Variants in CDK14 observed in about 807,000 individuals in gnomAD.
CDK14 encodes the protein cyclin-dependent kinase 14.
CDK14 carries 34 observed loss-of-function variants against 60.7 expected under a neutral mutation model. The ratio of observed to expected loss-of-function variants is 0.56; its 90% confidence interval spans 0.43 to 0.75. The LOEUF is 0.75. Among genes scored for constraint, CDK14 ranks in the 30% least tolerant of loss-of-function variants. The pLI is 0.00. For synonymous variants in CDK14, 197 were observed against 203.7 expected, an observed-to-expected ratio of 0.97 and a Z score of 0.28; for missense variants, 482 against 564.1, an observed-to-expected ratio of 0.85 and a Z score of 1.47.
intron 2 of CDK14, chr7:90,632,635 C>CTT (rs1800029172): frequency 6.6e-6 from 1 of 152,560 alleles, no homozygotes; most frequent in African/African-American, 2.4e-5. Flanking sequence ...GACACCGAAC[C>CTT]TTTTAGTGCC....
At chr7:91,074,328 G>A (rs1188861825) in intron 11 of CDK14, among the ~76,000 whole-genome samples, 1 of 152,174 alleles carries the variant, frequency 6.6e-6, no homozygotes, top group African/African-American at 2.4e-5. Context: ...AATCAAATTA[G>A]ATCTCAGGAT....
chr7:90,828,907 G>A (rs913273054), intron 5 of CDK14, among the ~76,000 whole-genome samples: 1 of 152,140 alleles, frequency 6.6e-6, no homozygotes, highest in Non-Finnish European at 1.5e-5. Flanking sequence ...CTGCTGTGAA[G>A]AACTACTGGA....
At chr7:90,650,237 A>T (rs922047644) in intron 2 of CDK14, among the ~76,000 whole-genome samples, 1 of 152,044 alleles carries the variant, frequency 6.6e-6, no homozygotes, top group Admixed American at 6.6e-5. Context: ...TCATGTGTCT[A>T]TTGGCTGCAT....
intron 9 of CDK14, among the ~76,000 whole-genome samples, chr7:90,974,021 G>T (rs192210063): frequency 6.6e-6 from 1 of 152,060 alleles, no homozygotes. Context: ...TCTCAACCTC[G>T]TAAGACAGAC....
intron 9 of CDK14, among the ~76,000 whole-genome samples, chr7:90,980,308 C>T (rs114596870): frequency 6.6e-6 from 1 of 152,010 alleles, no homozygotes; most frequent in East Asian, 1.9e-4. Context: ...AAAATTTAGA[C>T]TAAGTGGGTG....
chr7:90,708,399 G>A, intron 2 of CDK14, among the ~76,000 whole-genome samples: 1 of 152,108 alleles, frequency 6.6e-6, no homozygotes, highest in Non-Finnish European at 1.5e-5. Context: ...AGTCTATTCT[G>A]CAAAAATGAT....
intron 4 of CDK14, among the ~76,000 whole-genome samples, chr7:90,781,126 T>A (rs1398970812): frequency 6.6e-6 from 1 of 152,048 alleles, no homozygotes; most frequent in Non-Finnish European, 1.5e-5. Flanking sequence ...CTCATTGTGG[T>A]TTTGATTTGT....
chr7:90,606,865 G>A (rs1000716442), intron 2 of CDK14, among the ~76,000 whole-genome samples: 21 of 152,290 alleles, frequency 1.4e-4, no homozygotes, highest in Middle Eastern at 3.4e-3. Flanking sequence ...TGGGCAGGTC[G>A]TTTAACTTAC....
intron 5 of CDK14, among the ~76,000 whole-genome samples, chr7:90,802,046 T>C (rs1165796522): frequency 2.0e-5 from 3 of 152,178 alleles, no homozygotes; most frequent in African/African-American, 7.2e-5. Context: ...TCCTGGGACA[T>C]AACCTCCTTC....
chr7:90,851,534 A>G (rs746163044), intron 5 of CDK14, among the ~76,000 whole-genome samples: 1 of 152,176 alleles, frequency 6.6e-6, no homozygotes, highest in Non-Finnish European at 1.5e-5. Flanking sequence ...TTGTATGAGC[A>G]GGAGCTATTG....
intron 6 of CDK14, among the ~76,000 whole-genome samples, chr7:90,892,091 C>T (rs1412395265): frequency 6.6e-6 from 1 of 152,152 alleles, no homozygotes; most frequent in African/African-American, 2.4e-5. Context: ...ATTTCATGTC[C>T]AAGAGGTGGT....
chr7:90,928,165 T>C (rs901009997), intron 8 of CDK14, among the ~76,000 whole-genome samples: 7 of 152,216 alleles, frequency 4.6e-5, no homozygotes, highest in African/African-American at 1.4e-4. Context: ...TTAAACATCC[T>C]CCTTTAGCTC....
At chr7:91,161,977 C>T (rs554994340) in intron 14 of CDK14, among the ~76,000 whole-genome samples, 8 of 152,148 alleles carry the variant, frequency 5.3e-5, no homozygotes, top group African/African-American at 9.7e-5. Flanking sequence ...ACACGGAAGT[C>T]GAGAAAGTAG....
At chr7:90,953,419 CAT>C (rs770332590) in intron 8 of CDK14, among the ~76,000 whole-genome samples, 3 of 152,078 alleles carry the variant, frequency 2.0e-5, no homozygotes, top group African/African-American at 2.4e-5. Context: ...TTGGCCTAAA[CAT>C]GTGGGAAAAA....
At chr7:91,081,901 TA>T (rs367943174) in intron 12 of CDK14, among the ~76,000 whole-genome samples, 16 of 151,050 alleles carry the variant, frequency 1.1e-4, no homozygotes, top group South Asian at 4.2e-4. Flanking sequence ...AAATATATAT[TA>T]AAAAAAAAGG....
intron 2 of CDK14, among the ~76,000 whole-genome samples, chr7:90,718,391 A>G (rs17690894): frequency 0.015 from 2,337 of 152,286 alleles, 20 homozygotes; most frequent in Middle Eastern, 0.027. Flanking sequence ...AGACTTTACT[A>G]GTTGACCTAT....
At chr7:91,133,659 T>A (rs1009273690) in intron 14 of CDK14, among the ~76,000 whole-genome samples, 6 of 152,168 alleles carry the variant, frequency 3.9e-5, no homozygotes, top group African/African-American at 1.2e-4. Context: ...TATATTGAAC[T>A]GCTGTGTCCT....
chr7:90,831,277 A>C (rs752691524), intron 5 of CDK14, among the ~76,000 whole-genome samples: 2 of 152,194 alleles, frequency 1.3e-5, no homozygotes, highest in Non-Finnish European at 2.9e-5. Context: ...ATCATTGCAG[A>C]AGGTGAAGGG....
At chr7:90,838,542 G>T (rs1790188371) in intron 5 of CDK14, among the ~76,000 whole-genome samples, 1 of 152,126 alleles carries the variant, frequency 6.6e-6, no homozygotes, top group Non-Finnish European at 1.5e-5. Context: ...GTGTGAGTAG[G>T]AGAAATATTG....
Sources: allele counts gnomAD v4.1 joint callset (sites outside exome capture counted in the v4.1 genomes callset), GRCh38; gene constraint gnomAD v4.1.1; transcripts MANE v1.5; gene names NCBI Gene and HGNC (gene_info 2026-07-23, HGNC 2026-07-21).